Variants in CPOX observed in about 807,000 individuals in gnomAD.
The protein encoded by CPOX is coproporphyrinogen oxidase, also known as oxygen-dependent coproporphyrinogen-III oxidase, mitochondrial.
In CPOX, 24 loss-of-function variants were observed where a neutral mutation model predicts 48.9. The observed-to-expected ratio is 0.49, with a 90% confidence interval of 0.36 to 0.69. The LOEUF (loss-of-function observed/expected upper bound fraction) is 0.69, where lower values mean the gene tolerates loss of function less well. CPOX is among the 30% of genes least tolerant of loss of function. The pLI is 0.00. For synonymous variants in CPOX, 249 were observed against 234.6 expected (o/e 1.06, Z -0.56); for missense variants, 549 against 597.3 (o/e 0.92, Z 0.84).
At chr3:98,585,853 T>C in intron 4 of CPOX, 194 bp from the exon 5 acceptor site, 1 of 626,310 alleles carries the variant, frequency 1.6e-6, no homozygotes, top group East Asian at 2.9e-5. Flanking sequence ...AGGTAGAAAA[T>C]GCTTATCCTC....
chr3:98,581,986 TAAC>T (rs1707267426), intron 5 of CPOX, among the ~76,000 whole-genome samples: 1 of 152,228 alleles, frequency 6.6e-6, no homozygotes, highest in South Asian at 2.1e-4. Context: ...CAACTACAGC[TAAC>T]AATAATCTAT....
In CPOX at chr3:98,593,426, A is replaced by G. The variant is rs1385457463; in HGVS notation, c.79T>C (p.Trp27Arg). ...AGCCCTCCGCCGCCGCACTGGGACC[A>G]GGCGCGGGGCCCTCCGCAGCCGCCC... is the stretch of plus-strand genomic sequence containing the variant. ...ARGGCGGPRAWSQCGGGGLRA... is the reference protein window; with the variant it reads ...ARGGCGGPRARSQCGGGGLRA... Residue 27 changes from tryptophan (W) to arginine (R), a missense_variant, in exon 1 of 7, where the codon TGG becomes CGG. This residue lies in a region of CPOX where 336 missense variants were observed against 318.1 expected (regional missense o/e 1.06). Transcript: ENST00000647941. 6.8e-7 allele frequency: 1 copy of G among 1,468,248 alleles called. No homozygotes were observed. Among genetic ancestry groups the G allele is most frequent in the Non-Finnish European group, 9.0e-7 (1 of 1,117,072 alleles). The allele number at this position is 1,468,248 out of a possible 1,614,324, so 91.0% of individuals were successfully genotyped here.
chr3:98,589,171 A>G (rs1282126296), intron 3 of CPOX, among the ~76,000 whole-genome samples: 1 of 151,962 alleles, frequency 6.6e-6, no homozygotes, highest in Non-Finnish European at 1.5e-5. Flanking sequence ...AAAATACAAA[A>G]CATAGCCGGG....
downstream of CPOX, among the ~76,000 whole-genome samples, chr3:98,576,565 T>C (rs1271156641): frequency 1.3e-5 from 2 of 152,212 alleles, no homozygotes; most frequent in African/African-American, 4.8e-5. Flanking sequence ...GGGAATTTAG[T>C]CAAGCCATTT....
intron 3 of CPOX, chr3:98,589,722 A>G (rs1382867209): frequency 2.0e-5 from 3 of 152,318 alleles, no homozygotes; most frequent in African/African-American, 7.2e-5. Context: ...CCAGTTACCA[A>G]CTTTAAACAT....
At position 98,581,488 on chromosome 3, in the gene CPOX, T is replaced by C. The variant is rs901308313; in HGVS notation, c.1196A>G (p.Tyr399Cys). The C allele has an allele frequency of 4.3e-6, 7 of 1,613,870 alleles. No homozygotes were observed. The Admixed American group carries it at 1.0e-4, about 23-fold the overall frequency. Residue 399 changes from tyrosine (Y) to cysteine (C), a missense_variant, in exon 6 of 7, where the codon TAT becomes TGT. By Grantham distance (194) the Tyr-to-Cys change is radical (BLOSUM62 -2). Around this residue, in one of 2 missense-constraint regions of CPOX, gnomAD observed 213 missense variants for 279.1 expected, o/e 0.76. Transcript: ENST00000647941. ...RGRYVEFNLL[Y>C]DRGTKFGLFT... ...GAGGCCAAACTTTGTGCCCCGATCA[T>C]ACAGCAGATTAAATTCTACATACCT...
chr3:98,585,293 A>T, intron 5 of CPOX, 148 bp downstream of exon 5: 1 of 732,268 alleles, frequency 1.4e-6, no homozygotes, highest in African/African-American at 1.8e-5. Context: ...TACTTTACAC[A>T]ATGTCTTTTA....
intron 4 of CPOX, among the ~76,000 whole-genome samples, chr3:98,586,448 C>G (rs1707365200): frequency 6.6e-6 from 1 of 152,050 alleles, no homozygotes; most frequent in Non-Finnish European, 1.5e-5. Context: ...TCTCTCAGGT[C>G]TCTTTCAGAA....
chr3:98,582,519 A>C (rs1707277218), intron 5 of CPOX, among the ~76,000 whole-genome samples: 1 of 150,574 alleles, frequency 6.6e-6, no homozygotes, highest in African/African-American at 2.4e-5. Context: ...TTGAGATGGA[A>C]TCTTACTCTG....
chr3:98,577,609 G>A (rs369784608), downstream of CPOX, among the ~76,000 whole-genome samples: 257 of 152,268 alleles, frequency 1.7e-3, no homozygotes, highest in Non-Finnish European at 2.7e-3. Context: ...CCTACCACTC[G>A]AATCTGGAAC....
At chr3:98,582,497 TC>T (rs1360507074) in intron 5 of CPOX, among the ~76,000 whole-genome samples, 1 of 151,594 alleles carries the variant, frequency 6.6e-6, no homozygotes, top group Non-Finnish European at 1.5e-5. Context: ...TTTTTTCTTT[TC>T]TTTTTTTTTT....
In CPOX at chr3:98,588,731, T is replaced by C; in HGVS notation, c.935A>G (p.Tyr312Cys). The C allele has an allele frequency of 6.2e-7, 1 of 1,614,158 alleles. No individual in the cohort carries two copies. The highest frequency in any genetic ancestry group is 8.5e-7 in the Non-Finnish European group (1 of 1,180,036). ...EACDQHGPDL[Y>C]PKFKKWCDDY... Reference sequence around the variant, plus strand: ...TACCTACCATTTTTTAAATTTGGGGTAGAGATCTGGACCATGCTGGTCACA... The same window carrying C: ...TACCTACCATTTTTTAAATTTGGGGCAGAGATCTGGACCATGCTGGTCACA... Residue 312 changes from tyrosine (Y) to cysteine (C), a missense_variant, in exon 4 of 7, where the codon TAC becomes TGC. Tyr to Cys is a radical substitution (Grantham distance 194, BLOSUM62 -2). Transcript: ENST00000647941.
Position 98,593,461 on chromosome 3 carries a change from A to C in CPOX, c.44T>G (p.Leu15Arg), listed in dbSNP as rs1576307255. ...CCCTCCGCAGCCGCCCCGCGCCACG[A>C]GCCAGCAGGGGCCCGAGCTCAGCCT... is the stretch of plus-strand genomic sequence containing the variant. ...LGRLSSGPCW[L>R]VARGGCGGPR... Residue 15 changes from leucine (L) to arginine (R), a missense_variant, in exon 1 of 7, where the codon CTC becomes CGC. Physicochemically the swap from Leu to Arg is moderately radical, Grantham distance 102. Around this residue, in one of 2 missense-constraint regions of CPOX, gnomAD observed 336 missense variants for 318.1 expected, o/e 1.06. Coordinates refer to ENST00000647941, the MANE Select transcript of CPOX (RefSeq NM_000097.7). The C allele has an allele frequency of 6.6e-7, 1 of 1,506,212 alleles. No individual in the cohort carries two copies. Among genetic ancestry groups the C allele is most frequent in the African/African-American group, 1.4e-5 (1 of 70,110 alleles). The allele number at this position is 1,506,212 out of a possible 1,614,324, so 93.3% of individuals were successfully genotyped here. A position where few individuals can be genotyped will look rare whatever the true frequency, so the allele number is the denominator to read the frequency against.
chr3:98,590,465 T>C (rs1399410946), intron 3 of CPOX, 167 bp downstream of exon 3: 12 of 678,516 alleles, frequency 1.8e-5, no homozygotes, highest in East Asian at 2.8e-5. Context: ...TTACTTGTCA[T>C]GTCTCAGGCA....
At chr3:98,584,843 T>C (rs1020064137) in intron 5 of CPOX, among the ~76,000 whole-genome samples, 2 of 152,224 alleles carry the variant, frequency 1.3e-5, no homozygotes, top group African/African-American at 4.8e-5. Context: ...CTTCAGCTGC[T>C]TAACTTTAGG....
At chr3:98,586,138 C>T (rs1463831634) in intron 4 of CPOX, among the ~76,000 whole-genome samples, 1 of 152,152 alleles carries the variant, frequency 6.6e-6, no homozygotes, top group African/African-American at 2.4e-5. Flanking sequence ...TCCCAAAGTG[C>T]TGGGATTACA....
Position 98,579,519 on chromosome 3 carries a change from C to T in CPOX, c.*1164G>A. 3.0e-6 allele frequency: 3 copies of T among 984,126 alleles called. No individual in the cohort carries two copies. The highest frequency in any genetic ancestry group is 3.6e-6 in the Non-Finnish European group (3 of 828,760). 61.0% of individuals were successfully genotyped at this position (984,126 alleles called of 1,614,324 possible). On this transcript the variant is annotated 3_prime_UTR_variant, in exon 7 of 7. Coordinates refer to ENST00000647941, the MANE Select transcript of CPOX (RefSeq NM_000097.7). ...GTTGAAGAATTCATACATTTTCCAG[C>T]CCCAAAAAGGCCACACAGAATCACA... is the stretch of plus-strand genomic sequence containing the variant.
chr3:98,587,407 A>G (rs1336733478), intron 4 of CPOX, among the ~76,000 whole-genome samples: 1 of 151,392 alleles, frequency 6.6e-6, no homozygotes, highest in Non-Finnish European at 1.5e-5. Context: ...AAACTGCATA[A>G]TTTATAAATA....
At chr3:98,574,737 C>G (rs370057134), downstream of CPOX, among the ~76,000 whole-genome samples, 70 of 152,260 alleles carry the variant, frequency 4.6e-4, no homozygotes, top group African/African-American at 1.5e-3. Context: ...CATCACCACG[C>G]CTGGCTAATT....
Sources: gnomAD v4.1 joint callset for allele counts (sites outside exome capture counted in the v4.1 genomes callset) on GRCh38, gnomAD v4.1.1 for gene constraint, gnomAD v4.1.1 regional missense constraint, MANE v1.5 for transcripts, NCBI Gene and HGNC (gene_info 2026-07-23, HGNC 2026-07-21) for gene names.